CALN1: variants seen among roughly 807,000 people sequenced by gnomAD.
CALN1 encodes the protein calneuron 1.
CALN1 carries 17 observed loss-of-function variants against 30.6 expected under a neutral mutation model. That is an observed-to-expected ratio of 0.56 (90% CI 0.38 to 0.83). The LOEUF is 0.83. Among genes scored for constraint, CALN1 ranks in the 40% least tolerant of loss-of-function variants. CALN1 has a pLI of 0.00. For synonymous variants in CALN1, 156 were observed against 131.4 expected, an observed-to-expected ratio of 1.19 and a Z score of -1.28; for missense variants, 291 against 354.9, an observed-to-expected ratio of 0.82 and a Z score of 1.45.
chr7:72,178,868 T>C, intron 3 of CALN1, among the ~76,000 whole-genome samples: 1 of 152,242 alleles, frequency 6.6e-6, no homozygotes, highest in Non-Finnish European at 1.5e-5. Context: ...TTTGTTCTTG[T>C]ATTTTATATC....
chr7:72,258,580 C>T (rs1454467627), intron 3 of CALN1, among the ~76,000 whole-genome samples: 1 of 152,124 alleles, frequency 6.6e-6, no homozygotes, highest in African/African-American at 2.4e-5. Flanking sequence ...TTTCAGAATA[C>T]TATGGGAAAC....
chr7:72,132,137 T>G (rs1809193256), intron 3 of CALN1, among the ~76,000 whole-genome samples: 1 of 152,162 alleles, frequency 6.6e-6, no homozygotes, highest in African/African-American at 2.4e-5. Context: ...CAACTTAGGA[T>G]AAGGTTATGT....
chr7:72,366,275 G>C (rs898580689), intron 2 of CALN1, among the ~76,000 whole-genome samples: 1 of 152,086 alleles, frequency 6.6e-6, no homozygotes, highest in African/African-American at 2.4e-5. Flanking sequence ...CCAGGTTCAA[G>C]TGATTCTCCT....
intron 5 of CALN1, among the ~76,000 whole-genome samples, chr7:71,854,047 T>G (rs1301355230): frequency 1.3e-5 from 2 of 151,278 alleles, no homozygotes; most frequent in Non-Finnish European, 1.5e-5. Context: ...CTAAATTAAT[T>G]TGTGTGTGTG....
At chr7:72,380,043 C>T (rs1804794641) in intron 2 of CALN1, among the ~76,000 whole-genome samples, 2 of 152,190 alleles carry the variant, frequency 1.3e-5, no homozygotes, top group Non-Finnish European at 2.9e-5. Flanking sequence ...AGGGTATTTG[C>T]TACTGAAACA....
chr7:71,955,105 C>T (rs774195301), intron 5 of CALN1, among the ~76,000 whole-genome samples: 2 of 151,916 alleles, frequency 1.3e-5, no homozygotes, highest in Admixed American at 6.6e-5. Flanking sequence ...GGGGAGACCT[C>T]GCAATCATGG....
chr7:72,147,863 TCG>T (rs1786882444), intron 3 of CALN1, among the ~76,000 whole-genome samples: 1 of 144,568 alleles, frequency 6.9e-6, no homozygotes, highest in Non-Finnish European at 1.5e-5. Flanking sequence ...AAACCAAACA[TCG>T]CATGTTCTCA....
chr7:72,234,644 C>G (rs938041751), intron 3 of CALN1, among the ~76,000 whole-genome samples: 4 of 152,130 alleles, frequency 2.6e-5, no homozygotes, highest in Non-Finnish European at 5.9e-5. Context: ...TGGGGTTTTA[C>G]TATGTTGGCC....
intron 5 of CALN1, among the ~76,000 whole-genome samples, chr7:71,843,540 T>C (rs964892456): frequency 1.3e-5 from 2 of 152,106 alleles, no homozygotes; most frequent in African/African-American, 4.8e-5. Context: ...GGAGGATTGC[T>C]TGAGCCCAGG....
intron 2 of CALN1, among the ~76,000 whole-genome samples, chr7:72,402,576 A>C (rs1233411591): frequency 6.6e-6 from 1 of 152,118 alleles, no homozygotes; most frequent in East Asian, 1.9e-4. Flanking sequence ...ACCAAACCAC[A>C]CCCAGAGTTG....
At chr7:72,070,386 C>A (rs1257411153) in intron 4 of CALN1, among the ~76,000 whole-genome samples, 1 of 152,204 alleles carries the variant, frequency 6.6e-6, no homozygotes, top group Non-Finnish European at 1.5e-5. Flanking sequence ...TGTCCAACTG[C>A]TGCAGGTCCA....
At chr7:72,371,926 T>C (rs1804269638) in intron 2 of CALN1, among the ~76,000 whole-genome samples, 1 of 152,178 alleles carries the variant, frequency 6.6e-6, no homozygotes, top group South Asian at 2.1e-4. Context: ...ACTCTGAACA[T>C]ATACACTAAC....
At chr7:71,888,678 T>C (rs888130483) in intron 5 of CALN1, among the ~76,000 whole-genome samples, 1 of 151,776 alleles carries the variant, frequency 6.6e-6, no homozygotes, top group African/African-American at 2.4e-5. Context: ...AGAAGGGAGT[T>C]AGTCGTTTCT....
At chr7:71,796,338 T>C (rs574737155) in intron 6 of CALN1, among the ~76,000 whole-genome samples, 1 of 151,858 alleles carries the variant, frequency 6.6e-6, no homozygotes, top group Admixed American at 6.6e-5. Flanking sequence ...CTGGGTTATA[T>C]AGTAACTCTA....
chr7:72,315,699 T>C (rs2129556783), intron 2 of CALN1, among the ~76,000 whole-genome samples: 1 of 151,274 alleles, frequency 6.6e-6, no homozygotes, highest in African/African-American at 2.4e-5. Flanking sequence ...AGTGAGACCC[T>C]GTCTCTAAAA....
intron 2 of CALN1, among the ~76,000 whole-genome samples, chr7:72,316,839 G>A (rs530718155): frequency 6.6e-6 from 1 of 151,824 alleles, no homozygotes; most frequent in Non-Finnish European, 1.5e-5. Context: ...CAGCTATTCT[G>A]GAGGCTGAGG....
At chr7:72,039,829 A>T (rs1403862004) in intron 4 of CALN1, among the ~76,000 whole-genome samples, 1 of 152,132 alleles carries the variant, frequency 6.6e-6, no homozygotes, top group Non-Finnish European at 1.5e-5. Context: ...TTAGCACTCT[A>T]GGAGGTCCTG....
intron 5 of CALN1, among the ~76,000 whole-genome samples, chr7:71,834,245 A>C (rs867415060): frequency 7.8e-5 from 7 of 89,896 alleles, no homozygotes; most frequent in African/African-American, 2.4e-4. Context: ...AAAAACCAAC[A>C]AAAAAAAACT....
chr7:72,495,196 T>A, the CALN1 span, among the ~76,000 whole-genome samples: 1 of 152,160 alleles, frequency 6.6e-6, no homozygotes, highest in Admixed American at 6.5e-5. Flanking sequence ...AAGGTCAAAA[T>A]CCAGATTCCT....
Sources: allele counts gnomAD v4.1 joint callset (sites outside exome capture counted in the v4.1 genomes callset), GRCh38; gene constraint gnomAD v4.1.1; transcripts MANE v1.5; gene names NCBI Gene and HGNC (gene_info 2026-07-23, HGNC 2026-07-21).